Variants in RTN4RL1 observed in about 807,000 individuals in gnomAD.
The protein encoded by RTN4RL1 is reticulon-4 receptor-like 1.
RTN4RL1 carries 7 observed loss-of-function variants against 25.6 expected under a neutral mutation model. The ratio of observed to expected loss-of-function variants is 0.27; its 90% CI spans 0.16 to 0.51. The LOEUF (loss-of-function observed/expected upper bound fraction) is 0.51. Among genes scored for constraint, RTN4RL1 ranks in the 20% least tolerant of loss-of-function variants. RTN4RL1 has a pLI of 0.97. For synonymous variants in RTN4RL1, 297 were observed against 288.2 expected, an observed-to-expected ratio of 1.03 and a Z score of -0.31; for missense variants, 500 against 615.6, an observed-to-expected ratio of 0.81 and a Z score of 1.99.
At chr17:1,952,640 G>A (rs927250248) in intron 1 of RTN4RL1, among the ~76,000 whole-genome samples, 2 of 151,224 alleles carry the variant, frequency 1.3e-5, no homozygotes, top group African/African-American at 4.9e-5. Context: ...ACCACACCCG[G>A]CCTCTCCTCC....
chr17:1,941,624 C>T (rs1424172974), intron 1 of RTN4RL1, among the ~76,000 whole-genome samples: 1 of 152,060 alleles, frequency 6.6e-6, no homozygotes, highest in East Asian at 1.9e-4. Context: ...GATCCGAGCC[C>T]GGGGGAGTGC....
intron 1 of RTN4RL1, among the ~76,000 whole-genome samples, chr17:1,978,039 C>G (rs912522544): frequency 2.0e-5 from 3 of 151,794 alleles, no homozygotes; most frequent in Non-Finnish European, 4.4e-5. Flanking sequence ...TCTCTCACTC[C>G]GCATCCGGCA....
chr17:2,008,393 T>C (rs1306224558), intron 1 of RTN4RL1, among the ~76,000 whole-genome samples: 2 of 152,104 alleles, frequency 1.3e-5, no homozygotes, highest in Admixed American at 6.5e-5. Context: ...TGAGAAATAC[T>C]GTTAATTAAA....
chr17:1,949,422 G>A (rs1226230527), intron 1 of RTN4RL1, among the ~76,000 whole-genome samples: 1 of 152,170 alleles, frequency 6.6e-6, no homozygotes. Context: ...TGAAGGCCCT[G>A]GTGCTCACGG....
At chr17:2,015,395 A>G (rs749576227) in intron 1 of RTN4RL1, among the ~76,000 whole-genome samples, 2 of 152,154 alleles carry the variant, frequency 1.3e-5, no homozygotes, top group Non-Finnish European at 2.9e-5. Flanking sequence ...TGGAGACGGG[A>G]TATCTGGGGA....
In RTN4RL1 at chr17:1,957,857, AAAAC is replaced by A. The variant is rs1262955365; in HGVS notation, c.14-20053_14-20050del. On this transcript the variant is annotated intron_variant, in intron 1 of 1. Coordinates refer to ENST00000331238, the MANE Select transcript of RTN4RL1 (RefSeq NM_178568.4). ...AGACTCTGTCTCAAACAACAACAACAAAACAAACAAACAAACGAACAAACAAACA... is the reference window on the plus strand; with the variant it reads ...AGACTCTGTCTCAAACAACAACAACAAAACAAACAAACGAACAAACAAACA... Among the ~76,000 whole-genome samples the A allele has an allele frequency of 4.7e-3, 560 of 118,718 alleles. 4 individuals carry two copies. Among genetic ancestry groups the A allele is most frequent in the African/African-American group, 0.015 (529 of 34,760 alleles). 77.9% of individuals were successfully genotyped at this position (118,718 alleles called of 152,430 possible).
rs2067254921 is a variant in RTN4RL1 at position 2,025,134 on chromosome 17, G to T, written c.-269C>A. 9.2e-6 allele frequency: 3 copies of T among 325,206 alleles called. No homozygotes were observed. The highest frequency in any genetic ancestry group is 3.1e-4 in the South Asian group (2 of 6,548). 20.1% of individuals were successfully genotyped at this position (325,206 alleles called of 1,614,324 possible). On this transcript the variant is annotated 5_prime_UTR_variant, in exon 1 of 2. Transcript: ENST00000331238. This position sits in a 1 kb window ranked among gnomAD's most constrained non-coding sequence, Gnocchi z 4.8. ...CCCGGGGCGAGCGGCTTGCTCCGCG[G>T]AGCCGGCGGCCTGCTTCTGCCACCC...
chr17:2,005,659 G>C (rs1190025512), intron 1 of RTN4RL1, among the ~76,000 whole-genome samples: 1 of 152,174 alleles, frequency 6.6e-6, no homozygotes, highest in Admixed American at 6.5e-5. Flanking sequence ...CTGAGCCCGG[G>C]AGGTGGAGGC....
At chr17:2,006,692 C>G (rs112418070) in intron 1 of RTN4RL1, among the ~76,000 whole-genome samples, 1,871 of 152,358 alleles carry the variant, frequency 0.012, 34 homozygotes, top group African/African-American at 0.043. Flanking sequence ...ACGATCTCAG[C>G]TCACTGCAAC....
chr17:2,008,264 C>T (rs914949059), intron 1 of RTN4RL1, among the ~76,000 whole-genome samples: 2 of 142,090 alleles, frequency 1.4e-5, no homozygotes, highest in Non-Finnish European at 3.0e-5. Context: ...GGCTAGACTC[C>T]ATCTCAAAAA....
chr17:1,984,967 CAAAAAAA>C (rs368241273), intron 1 of RTN4RL1, among the ~76,000 whole-genome samples: 3 of 142,540 alleles, frequency 2.1e-5, no homozygotes, highest in African/African-American at 2.5e-5. Context: ...AACTCCATCT[CAAAAAAA>C]AAAAGAAAAA....
At chr17:2,012,168 C>A (rs1222230048) in intron 1 of RTN4RL1, among the ~76,000 whole-genome samples, 2 of 152,222 alleles carry the variant, frequency 1.3e-5, no homozygotes, top group Non-Finnish European at 2.9e-5. Flanking sequence ...GAGAGGTTTC[C>A]GTTTGCCACG....
intron 1 of RTN4RL1, among the ~76,000 whole-genome samples, chr17:1,954,452 G>A (rs375559351): frequency 4.2e-5 from 6 of 142,542 alleles, no homozygotes; most frequent in East Asian, 4.3e-4. Flanking sequence ...GCAGTGGCAC[G>A]ATCTCAGCTC....
chr17:1,952,632 C>T (rs11651704), intron 1 of RTN4RL1, among the ~76,000 whole-genome samples: 67,262 of 150,882 alleles, frequency 0.45, 15,860 homozygotes, highest in Middle Eastern at 0.56. Flanking sequence ...CGTGAGCCAC[C>T]ACACCCGGCC....
At chr17:1,937,882 G>T in intron 1 of RTN4RL1, 74 bp from the exon 2 acceptor site, 10 of 1,175,420 alleles carry the variant, frequency 8.5e-6, no homozygotes, top group Non-Finnish European at 1.2e-5. Flanking sequence ...TCCGGCGCCC[G>T]CCGAGGACGC....
chr17:1,990,989 C>T (rs930690873), intron 1 of RTN4RL1, among the ~76,000 whole-genome samples: 34 of 152,172 alleles, frequency 2.2e-4, no homozygotes, highest in African/African-American at 6.5e-4. Context: ...ATCCAGGGAA[C>T]GAGTCCCTCT....
chr17:1,952,503 C>T (rs1407447568), intron 1 of RTN4RL1, among the ~76,000 whole-genome samples: 1 of 151,694 alleles, frequency 6.6e-6, no homozygotes. Context: ...CCACCACGCC[C>T]GGCTAATTTT....
intron 1 of RTN4RL1, among the ~76,000 whole-genome samples, chr17:2,023,317 G>A (rs1357378623): frequency 6.6e-6 from 1 of 152,174 alleles, no homozygotes; most frequent in Non-Finnish European, 1.5e-5. Context: ...TTGCTGAAAG[G>A]ACTTTTTGTC....
At chr17:1,946,580 GC>G (rs34953072) in intron 1 of RTN4RL1, among the ~76,000 whole-genome samples, 6,108 of 151,384 alleles carry the variant, frequency 0.04, 395 homozygotes, top group African/African-American at 0.14. Flanking sequence ...GTGTGTGTGT[GC>G]ACGGGGTCTG....
Sources: allele counts gnomAD v4.1 joint callset (sites outside exome capture counted in the v4.1 genomes callset), GRCh38; gene constraint gnomAD v4.1.1; non-coding constraint Gnocchi (gnomAD v3.1); transcripts MANE v1.5; gene names NCBI Gene and HGNC (gene_info 2026-07-23, HGNC 2026-07-21).